Variants in BRD4 observed in about 807,000 individuals in gnomAD.
BRD4 encodes the protein bromodomain containing 4.
In BRD4, 16 loss-of-function variants were observed where a neutral mutation model predicts 142.1. That is an observed-to-expected ratio of 0.11 (90% CI 0.08 to 0.17). The LOEUF (loss-of-function observed/expected upper bound fraction) is 0.17, where lower values mean the gene tolerates loss of function less well. Ranked by LOEUF, BRD4 falls within the 10% of genes least tolerant of loss-of-function variation. BRD4 has a pLI of 1.00. For missense variants in BRD4, 1,424 were observed against 1,810.9 expected (o/e 0.79, Z 3.88); for synonymous variants, 833 against 707.5 (o/e 1.18, Z -2.82).
At chr19:15,313,698 TTTAG>T (rs1309301061) in intron 1 of BRD4, among the ~76,000 whole-genome samples, 23 of 152,246 alleles carry the variant, frequency 1.5e-4, no homozygotes, top group Middle Eastern at 3.4e-3. Flanking sequence ...AATGTAATGA[TTTAG>T]TAAGAACTGT....
At chr19:15,307,755 A>G (rs1377585161) in intron 1 of BRD4, among the ~76,000 whole-genome samples, 1 of 152,104 alleles carries the variant, frequency 6.6e-6, no homozygotes, top group African/African-American at 2.4e-5. Context: ...TGGCCGCACT[A>G]CGTTTGGCAT....
intron 7 of BRD4, among the ~76,000 whole-genome samples, chr19:15,261,460 C>T (rs1234720106): frequency 2.0e-5 from 3 of 150,140 alleles, no homozygotes; most frequent in East Asian, 1.9e-4. Context: ...CCAGCCTGGG[C>T]GACAGAAAGA....
chr19:15,305,889 T>G (rs1004421062), intron 1 of BRD4, among the ~76,000 whole-genome samples: 1 of 152,224 alleles, frequency 6.6e-6, no homozygotes, highest in Non-Finnish European at 1.5e-5. Flanking sequence ...CTTGCTACAG[T>G]TTTTCCATCA....
intron 1 of BRD4, among the ~76,000 whole-genome samples, chr19:15,323,437 T>C (rs2048081873): frequency 6.6e-6 from 1 of 152,108 alleles, no homozygotes; most frequent in Non-Finnish European, 1.5e-5. Flanking sequence ...TCAACTCTCA[T>C]GATAATGATC....
chr19:15,284,431 GAC>G lies in BRD4; in HGVS notation c.-34-11300_-34-11299del, dbSNP rs2047726374. Among the ~76,000 whole-genome samples the G allele has an allele frequency of 5.3e-5, 8 of 152,320 alleles. No individual in the cohort carries two copies. In the South Asian group the frequency reaches 1.7e-3, roughly 32 times the overall value. The stretch of plus-strand genomic sequence containing the variant: ...CAAAGATGACCAGTCAGTGAGAGCT[GAC>G]AGTGTCTCAAGTGCTGGATTTATAT... On this transcript the variant is annotated intron_variant, in intron 1 of 19. Transcript: ENST00000679869.
chr19:15,268,425 T>G (rs1376457491), intron 3 of BRD4: 1 of 154,992 alleles, frequency 6.5e-6, no homozygotes, highest in Non-Finnish European at 1.4e-5. Flanking sequence ...TGTCCACAGT[T>G]CCAGCAGACC....
chr19:15,255,679 G>A (rs994893497), intron 9 of BRD4, 87 bp from the exon 10 acceptor site: 9 of 1,478,318 alleles, frequency 6.1e-6, no homozygotes, highest in Middle Eastern at 4.7e-4. Context: ...TTGGGGGGAA[G>A]GGGTGCCCTT....
chr19:15,319,925 G>A (rs559740793), intron 1 of BRD4, among the ~76,000 whole-genome samples: 38 of 152,198 alleles, frequency 2.5e-4, no homozygotes, highest in Middle Eastern at 3.4e-3. Flanking sequence ...AACACAGTGA[G>A]ACTCTACCTC....
At chr19:15,300,706 C>G (rs1026651263) in intron 1 of BRD4, among the ~76,000 whole-genome samples, 3 of 151,526 alleles carry the variant, frequency 2.0e-5, no homozygotes, top group African/African-American at 7.3e-5. Context: ...TGAAGAAATA[C>G]AAATCACAGC....
chr19:15,325,006 C>A (rs61619870), intron 1 of BRD4, among the ~76,000 whole-genome samples: 1,600 of 152,312 alleles, frequency 0.011, 31 homozygotes, highest in African/African-American at 0.037. Flanking sequence ...GTACCATGCC[C>A]TGGATCAGCT....
At chr19:15,315,074 G>T (rs548475971) in intron 1 of BRD4, among the ~76,000 whole-genome samples, 54 of 152,196 alleles carry the variant, frequency 3.5e-4, no homozygotes, top group African/African-American at 1.3e-3. Context: ...TATTTTGATT[G>T]TGTACTTTTC....
intron 1 of BRD4, among the ~76,000 whole-genome samples, chr19:15,291,034 C>T (rs889549612): frequency 2.6e-5 from 4 of 152,064 alleles, no homozygotes; most frequent in Non-Finnish European, 5.9e-5. Flanking sequence ...CTGCAAAACC[C>T]CCAAGTCAAT....
At chr19:15,305,433 C>G (rs2047905649) in intron 1 of BRD4, among the ~76,000 whole-genome samples, 1 of 152,204 alleles carries the variant, frequency 6.6e-6, no homozygotes. Flanking sequence ...AAACATTCAC[C>G]TCCTTGTGCA....
chr19:15,295,727 T>C (rs1262666190), intron 1 of BRD4, among the ~76,000 whole-genome samples: 1 of 152,194 alleles, frequency 6.6e-6, no homozygotes, highest in African/African-American at 2.4e-5. Context: ...TCGCAGCACT[T>C]TGGGAGGCCG....
chr19:15,293,951 C>T (rs1210249171), intron 1 of BRD4, among the ~76,000 whole-genome samples: 1 of 152,180 alleles, frequency 6.6e-6, no homozygotes, highest in East Asian at 1.9e-4. Flanking sequence ...TAAGATTCAT[C>T]CAAGTTGTAG....
intron 7 of BRD4, among the ~76,000 whole-genome samples, chr19:15,262,879 T>C (rs1352959896): frequency 1.3e-5 from 2 of 152,200 alleles, no homozygotes; most frequent in Non-Finnish European, 1.5e-5. Context: ...TTTACACATC[T>C]ATGCTGTAAC....
intron 1 of BRD4, among the ~76,000 whole-genome samples, chr19:15,299,841 G>A (rs964732061): frequency 6.6e-6 from 1 of 152,172 alleles, no homozygotes; most frequent in East Asian, 1.9e-4. Context: ...ACCCACCCAG[G>A]CCTGTTAAGG....
intron 8 of BRD4, among the ~76,000 whole-genome samples, chr19:15,256,495 C>G (rs566378523): frequency 5.6e-4 from 86 of 152,264 alleles, no homozygotes; most frequent in African/African-American, 2.0e-3. Context: ...CTGCCAGTGT[C>G]TTCCTCACCA....
At chr19:15,272,510 T>G (rs1568391979) in intron 2 of BRD4, among the ~76,000 whole-genome samples, 1 of 152,188 alleles carries the variant, frequency 6.6e-6, no homozygotes. Flanking sequence ...TGCTCTGACT[T>G]CAACTCACCA....
Sources: gnomAD v4.1 joint callset for allele counts (sites outside exome capture counted in the v4.1 genomes callset) on GRCh38, gnomAD v4.1.1 for gene constraint, MANE v1.5 for transcripts, NCBI Gene and HGNC (gene_info 2026-07-23, HGNC 2026-07-21) for gene names.